CACNA1D: variants seen among roughly 807,000 people sequenced by gnomAD.
CACNA1D encodes the protein calcium voltage-gated channel subunit alpha1 D, also known as voltage-dependent L-type calcium channel subunit alpha-1D.
Under a neutral mutation model 257.1 loss-of-function variants are expected in CACNA1D, and 55 were observed. The observed-to-expected ratio is 0.21, with a 90% CI of 0.17 to 0.27. CACNA1D has a LOEUF of 0.27. CACNA1D is among the 10% of genes least tolerant of loss of function. The probability of loss-of-function intolerance (pLI) is 1.00; values close to 1 mark genes in which losing one functional copy is unlikely to be tolerated. For synonymous variants in CACNA1D, 980 were observed against 1,014.9 expected, an observed-to-expected ratio of 0.97 and a Z score of 0.65; for missense variants, 1,876 against 2,784.0, an observed-to-expected ratio of 0.67 and a Z score of 7.34.
At chr3:53,640,633 A>C (rs2093939393) in intron 3 of CACNA1D, among the ~76,000 whole-genome samples, 1 of 152,240 alleles carries the variant, frequency 6.6e-6, no homozygotes, top group Non-Finnish European at 1.5e-5. Flanking sequence ...TCACCTTCCC[A>C]ACCCTTCTCT....
chr3:53,684,477 G>T (rs1164038337), intron 8 of CACNA1D, among the ~76,000 whole-genome samples: 1 of 152,044 alleles, frequency 6.6e-6, no homozygotes, highest in Non-Finnish European at 1.5e-5. Flanking sequence ...CAAAAAATTA[G>T]CTGAGAGTGG....
intron 22 of CACNA1D, among the ~76,000 whole-genome samples, chr3:53,744,323 TC>T (rs1223169723): frequency 6.6e-6 from 1 of 151,680 alleles, no homozygotes; most frequent in African/African-American, 2.4e-5. Flanking sequence ...TGCCCATCTC[TC>T]CACCAGACTG....
At chr3:53,739,622 A>T (rs185140688) in intron 20 of CACNA1D, among the ~76,000 whole-genome samples, 2 of 152,284 alleles carry the variant, frequency 1.3e-5, no homozygotes, top group African/African-American at 4.8e-5. Context: ...AGGTTTTTTA[A>T]AAAAAACCCT....
At chr3:53,737,505 T>C (rs1161522159) in intron 20 of CACNA1D, among the ~76,000 whole-genome samples, 1 of 152,136 alleles carries the variant, frequency 6.6e-6, no homozygotes, top group African/African-American at 2.4e-5. Context: ...ACCAATCCCT[T>C]ATGGATACTG....
intron 37 of CACNA1D, among the ~76,000 whole-genome samples, chr3:53,779,427 A>G (rs28489344): frequency 1.3e-5 from 2 of 148,952 alleles, no homozygotes; most frequent in Non-Finnish European, 1.5e-5. Context: ...GTGTGTGTGT[A>G]TTTGTGTGTA....
At chr3:53,598,839 G>T (rs922914410) in intron 3 of CACNA1D, among the ~76,000 whole-genome samples, 3 of 152,208 alleles carry the variant, frequency 2.0e-5, no homozygotes, top group African/African-American at 7.2e-5. Context: ...TTGAGAGACT[G>T]GGTCTTGACA....
At chr3:53,499,484 G>T (rs550484686) in intron 2 of CACNA1D, among the ~76,000 whole-genome samples, 1 of 152,066 alleles carries the variant, frequency 6.6e-6, no homozygotes, top group South Asian at 2.1e-4. Context: ...GCCCCCTGGA[G>T]GAGTGAGGGA....
chr3:53,564,057 A>C (rs551601122), intron 3 of CACNA1D, among the ~76,000 whole-genome samples: 16 of 152,314 alleles, frequency 1.1e-4, no homozygotes, highest in Non-Finnish European at 1.8e-4. Flanking sequence ...TTCTGACTTG[A>C]ATATGTATTT....
rs536958018 is a variant in CACNA1D at position 53,789,349 on chromosome 3, A to G, written c.4923+2397A>G. ...CTTGATTCTGAAACATTAAACATAG[A>G]CATTTTTTTTGTCTCCTTGAAGGAT... On this transcript the variant is annotated intron_variant, in intron 40 of 47. Transcript: ENST00000350061. This position sits in a 1 kb window ranked among gnomAD's most constrained non-coding sequence, Gnocchi z 4.2. Among the ~76,000 whole-genome samples the G allele has an allele frequency of 3.3e-4, 51 of 152,300 alleles. No homozygotes were observed. The highest frequency in any genetic ancestry group is 1.2e-3 in the African/African-American group (49 of 41,536).
At chr3:53,546,047 G>A (rs1246741936) in intron 3 of CACNA1D, among the ~76,000 whole-genome samples, 3 of 152,182 alleles carry the variant, frequency 2.0e-5, no homozygotes, top group African/African-American at 4.8e-5. Context: ...TCTAAGGCTC[G>A]TGGATGGGGG....
intron 8 of CACNA1D, 25 bp from the exon 9 acceptor site, chr3:53,702,616 T>A (rs1003001976): frequency 2.5e-6 from 4 of 1,612,396 alleles, no homozygotes; most frequent in African/African-American, 1.3e-5. Flanking sequence ...TCCTGATATG[T>A]GCTTGTCCTC....
Position 53,751,924 on chromosome 3 carries a change from C to T in CACNA1D, c.3675+17C>T, listed in dbSNP as rs1365789232. 6.2e-7 allele frequency: 1 copy of T among 1,613,006 alleles called. No individual in the cohort carries two copies. Among genetic ancestry groups the T allele is most frequent in the South Asian group, 1.1e-5 (1 of 91,050 alleles). ...GCCATGCAGGTAAAAATGGAGACAG[C>T]CGTGGGGATCAGGTCCGGGCATTCC... On this transcript the variant is annotated intron_variant, in intron 28 of 47. Transcript: ENST00000350061. This position sits in a 1 kb window ranked among gnomAD's most constrained non-coding sequence, Gnocchi z 4.3.
Position 53,778,432 on chromosome 3 carries a change from G to A in CACNA1D, c.4587+1476G>A, listed in dbSNP as rs577476830. On this transcript the variant is annotated intron_variant, in intron 37 of 47. Coordinates refer to ENST00000350061, the MANE Select transcript of CACNA1D (RefSeq NM_001128840.3). ...CTGTGCTGGTTTTGAAGAGGGTGCC[G>A]GGGTTGGTAGGAGGACTAGGAATTT... Among the ~76,000 whole-genome samples, 34 of 152,342 alleles carry A rather than the reference G, an allele frequency of 2.2e-4. 1 individual carries two copies. Among genetic ancestry groups the A allele is most frequent in the African/African-American group, 6.5e-4 (27 of 41,568 alleles).
intron 3 of CACNA1D, among the ~76,000 whole-genome samples, chr3:53,593,644 C>T (rs868536642): frequency 6.6e-6 from 1 of 152,244 alleles, no homozygotes; most frequent in Middle Eastern, 3.4e-3. Flanking sequence ...AAGTCATGAG[C>T]AGGTGCAGGA....
At chr3:53,500,716 A>G (rs2090564612) in intron 2 of CACNA1D, among the ~76,000 whole-genome samples, 1 of 152,334 alleles carries the variant, frequency 6.6e-6, no homozygotes, top group Non-Finnish European at 1.5e-5. Context: ...AAGAAAAACA[A>G]TCATTTTGGC....
At chr3:53,583,596 C>G (rs2093166876) in intron 3 of CACNA1D, among the ~76,000 whole-genome samples, 1 of 152,286 alleles carries the variant, frequency 6.6e-6, no homozygotes, top group South Asian at 2.1e-4. Context: ...TATAAGGACT[C>G]CTGTGGCTGC....
intron 40 of CACNA1D, chr3:53,797,898 TG>T (rs2095515039): frequency 6.6e-6 from 1 of 152,222 alleles, no homozygotes; most frequent in Non-Finnish European, 1.5e-5. Flanking sequence ...CAAATTTACT[TG>T]GGGGTGTTGA....
Position 53,495,026 on chromosome 3 carries a change from C to T in CACNA1D, c.-141C>T. The T allele has an allele frequency of 2.0e-6, 1 of 500,224 alleles. No individual in the cohort carries two copies. Among genetic ancestry groups the T allele is most frequent in the Non-Finnish European group, 4.0e-6 (1 of 247,874 alleles). 31.0% of individuals were successfully genotyped at this position (500,224 alleles called of 1,614,324 possible). A position where few individuals can be genotyped will look rare whatever the true frequency, so the allele number is the denominator to read the frequency against. ...TATTTTCTGTTATTTGTCCCCGTCCCTCCCCACCCCCCTGCTGAAGCGAGA... is the reference window on the plus strand; with the variant it reads ...TATTTTCTGTTATTTGTCCCCGTCCTTCCCCACCCCCCTGCTGAAGCGAGA... On this transcript the variant is annotated 5_prime_UTR_variant, in exon 1 of 48. Transcript: ENST00000350061. This position sits in a 1 kb window ranked among gnomAD's most constrained non-coding sequence, Gnocchi z 5.1.
At chr3:53,670,840 G>A (rs545250107) in intron 7 of CACNA1D, among the ~76,000 whole-genome samples, 7 of 152,260 alleles carry the variant, frequency 4.6e-5, no homozygotes, top group East Asian at 3.9e-4. Flanking sequence ...CTATTTTCAC[G>A]TGGGTATTTT....
Sources: gnomAD v4.1 joint callset for allele counts (sites outside exome capture counted in the v4.1 genomes callset) on GRCh38, gnomAD v4.1.1 for gene constraint, Gnocchi (gnomAD v3.1) non-coding constraint, MANE v1.5 for transcripts, NCBI Gene and HGNC (gene_info 2026-07-23, HGNC 2026-07-21) for gene names.